LRBA: variants seen among roughly 807,000 people sequenced by gnomAD.
The protein encoded by LRBA is lipopolysaccharide-responsive and beige-like anchor protein.
Under a neutral mutation model 330.0 loss-of-function variants are expected in LRBA, and 176 were observed. The ratio of observed to expected loss-of-function variants is 0.53; its 90% CI spans 0.47 to 0.60. LRBA has a LOEUF of 0.60. Ranked by LOEUF, LRBA falls within the 20% of genes least tolerant of loss-of-function variation. The pLI, the probability that LRBA is intolerant of heterozygous loss-of-function variation, is 0.00. For synonymous variants in LRBA, 1,230 were observed against 1,193.0 expected, an observed-to-expected ratio of 1.03 and a Z score of -0.64; for missense variants, 3,259 against 3,444.8, an observed-to-expected ratio of 0.95 and a Z score of 1.35.
chr4:150,489,589 T>TAA (rs70941410), intron 41 of LRBA, among the ~76,000 whole-genome samples: 1 of 60,762 alleles, frequency 1.6e-5, no homozygotes, highest in Non-Finnish European at 3.2e-5. Flanking sequence ...ATATAATATA[T>TAA]TATATAAGAA....
chr4:150,454,790 A>G (rs1753835453), intron 44 of LRBA, among the ~76,000 whole-genome samples: 1 of 151,938 alleles, frequency 6.6e-6, no homozygotes, highest in Non-Finnish European at 1.5e-5. Context: ...ATGCCTTTGC[A>G]TACCCATAGC....
At chr4:150,945,894 G>C (rs1038251056) in intron 2 of LRBA, among the ~76,000 whole-genome samples, 1 of 151,944 alleles carries the variant, frequency 6.6e-6, no homozygotes, top group South Asian at 2.1e-4. Context: ...CCGCCTCCCA[G>C]GTTCAAGCGA....
chr4:151,014,191 C>T, intron 2 of LRBA: 1 of 420,518 alleles, frequency 2.4e-6, no homozygotes, highest in Non-Finnish European at 4.2e-6. Context: ...ACAATTATTT[C>T]CTTAGCACAA....
At chr4:150,747,765 A>C (rs982241220) in intron 35 of LRBA, among the ~76,000 whole-genome samples, 12 of 152,064 alleles carry the variant, frequency 7.9e-5, no homozygotes, top group African/African-American at 2.7e-4. Flanking sequence ...CTACCTACAA[A>C]TCTTGTAATG....
chr4:150,708,122 A>G (rs1785816850), intron 36 of LRBA, among the ~76,000 whole-genome samples: 1 of 151,068 alleles, frequency 6.6e-6, no homozygotes, highest in Non-Finnish European at 1.5e-5. Context: ...TAACAGGCGC[A>G]TCATCTAAGG....
chr4:150,306,981 G>T (rs1730432110), intron 52 of LRBA, among the ~76,000 whole-genome samples: 1 of 151,746 alleles, frequency 6.6e-6, no homozygotes, highest in Admixed American at 6.6e-5. Context: ...CAGGATTATT[G>T]TGAGACTGAA....
chr4:150,515,779 A>T (rs1171490898), intron 40 of LRBA, among the ~76,000 whole-genome samples: 1 of 152,138 alleles, frequency 6.6e-6, no homozygotes, highest in Non-Finnish European at 1.5e-5. Context: ...ATTTGACACA[A>T]ATATTGAAAT....
At chr4:150,870,021 A>G (rs903763419) in intron 20 of LRBA, among the ~76,000 whole-genome samples, 1 of 152,220 alleles carries the variant, frequency 6.6e-6, no homozygotes, top group Non-Finnish European at 1.5e-5. Context: ...CTACAAACTA[A>G]TAATTTTAAT....
chr4:150,688,327 G>A lies in LRBA; in HGVS notation c.5755-4610C>T, dbSNP rs191765969. Among the ~76,000 whole-genome samples, 218 of 152,206 alleles carry A rather than the reference G, an allele frequency of 1.4e-3. 4 individuals are homozygous for A. Among genetic ancestry groups the A allele is most frequent in the African/African-American group, 4.6e-3 (191 of 41,540 alleles). On this transcript the variant is annotated intron_variant, in intron 36 of 56. Coordinates refer to ENST00000651943, the MANE Select transcript of LRBA (RefSeq NM_001364905.1). Reference sequence around the variant, plus strand: ...TCCAAGATGGATTAAAGATTTAAACGTAAGACCTAAAACCATAAAAACCCT... The same window carrying A: ...TCCAAGATGGATTAAAGATTTAAACATAAGACCTAAAACCATAAAAACCCT...
intron 47 of LRBA, among the ~76,000 whole-genome samples, chr4:150,397,601 T>C (rs1158463141): frequency 1.3e-5 from 2 of 152,178 alleles, no homozygotes; most frequent in Non-Finnish European, 2.9e-5. Context: ...TTAAAATAGG[T>C]ATGGTCTCAT....
chr4:150,890,764 T>C (rs572978948), intron 17 of LRBA, among the ~76,000 whole-genome samples: 1 of 152,318 alleles, frequency 6.6e-6, no homozygotes, highest in South Asian at 2.1e-4. Flanking sequence ...GTTATTCACA[T>C]GTAGTGAAAC....
chr4:150,435,647 G>A lies in LRBA; in HGVS notation c.6983C>T (p.Thr2328Ile), dbSNP rs1334460321. 17 of 1,612,610 alleles carry A rather than the reference G, an allele frequency of 1.1e-5. No homozygotes were observed. The highest frequency in any genetic ancestry group is 1.4e-5 in the Non-Finnish European group (17 of 1,179,302). The part of the protein sequence containing the change: ...QGGKFDHADR[T>I]FSSISRAWRN... Reference sequence around the variant, plus strand: ...CCAAGCTCTGGAAATTGATGAAAAAGTTCGATCTGCATGATCAAATTTGCC... The same window carrying A: ...CCAAGCTCTGGAAATTGATGAAAAAATTCGATCTGCATGATCAAATTTGCC... Residue 2328 changes from threonine to isoleucine, a missense_variant, in exon 46 of 57, where the codon ACT becomes ATT. By Grantham distance (89) the Thr-to-Ile change is moderately conservative. Coordinates refer to ENST00000651943, the MANE Select transcript of LRBA (RefSeq NM_001364905.1).
At chr4:150,927,530 A>C (rs1398459430) in intron 4 of LRBA, among the ~76,000 whole-genome samples, 1 of 152,136 alleles carries the variant, frequency 6.6e-6, no homozygotes, top group South Asian at 2.1e-4. Context: ...AAAAGAGTTA[A>C]CAGATCCCAG....
At chr4:150,474,090 T>G (rs1756445794) in intron 42 of LRBA, among the ~76,000 whole-genome samples, 1 of 152,206 alleles carries the variant, frequency 6.6e-6, no homozygotes, top group South Asian at 2.1e-4. Flanking sequence ...GTTTTCTTTC[T>G]GACATTTTAT....
intron 28 of LRBA, among the ~76,000 whole-genome samples, chr4:150,834,973 A>C (rs1160725029): frequency 6.6e-6 from 1 of 152,274 alleles, no homozygotes; most frequent in Non-Finnish European, 1.5e-5. Context: ...TCTTGAATTA[A>C]TGCTTGTATA....
intron 2 of LRBA, among the ~76,000 whole-genome samples, chr4:150,960,636 G>T (rs1738040652): frequency 6.7e-6 from 1 of 148,960 alleles, no homozygotes; most frequent in African/African-American, 2.6e-5. Flanking sequence ...GTAATTAGAG[G>T]GATTCTAAGA....
intron 2 of LRBA, among the ~76,000 whole-genome samples, chr4:150,997,584 A>T (rs1454116955): frequency 1.3e-5 from 2 of 152,352 alleles, no homozygotes; most frequent in Non-Finnish European, 2.9e-5. Flanking sequence ...CTAAGGGGAA[A>T]AAAAAAGAAT....
At chr4:150,361,212 C>T (rs541778024) in intron 47 of LRBA, among the ~76,000 whole-genome samples, 8 of 152,102 alleles carry the variant, frequency 5.3e-5, no homozygotes, top group Non-Finnish European at 8.8e-5. Flanking sequence ...ATTCTGATTC[C>T]CAAAATTTTG....
intron 36 of LRBA, among the ~76,000 whole-genome samples, chr4:150,710,058 T>C (rs1786024858): frequency 6.6e-6 from 1 of 152,098 alleles, no homozygotes; most frequent in African/African-American, 2.4e-5. Context: ...CTACACTGGC[T>C]ATTCTGCGTA....
Sources: allele counts gnomAD v4.1 joint callset (sites outside exome capture counted in the v4.1 genomes callset), GRCh38; gene constraint gnomAD v4.1.1; transcripts MANE v1.5; gene names NCBI Gene and HGNC (gene_info 2026-07-23, HGNC 2026-07-21).